Variants in KSR2 observed in about 807,000 individuals in gnomAD.
KSR2 encodes the protein kinase suppressor of ras 2.
KSR2 carries 25 observed loss-of-function variants against 107.8 expected under a neutral mutation model. That is an observed-to-expected ratio of 0.23 (90% CI 0.17 to 0.32). The LOEUF (loss-of-function observed/expected upper bound fraction) is 0.32, where lower values mean the gene tolerates loss of function less well. KSR2 is among the 10% of genes least tolerant of loss of function. KSR2 has a pLI of 1.00. For missense variants in KSR2, 887 were observed against 1,268.9 expected, an observed-to-expected ratio of 0.70 and a Z score of 4.57; for synonymous variants, 480 against 507.0, an observed-to-expected ratio of 0.95 and a Z score of 0.71.
chr12:117,637,672 TG>T (rs1565938334), intron 5 of KSR2, among the ~76,000 whole-genome samples: 3 of 127,466 alleles, frequency 2.4e-5, no homozygotes, highest in African/African-American at 6.3e-5. Flanking sequence ...CAGTCAGTTT[TG>T]GGTTTTTTTT....
At chr12:117,597,072 C>T (rs1880692554) in intron 5 of KSR2, among the ~76,000 whole-genome samples, 1 of 152,138 alleles carries the variant, frequency 6.6e-6, no homozygotes, top group Non-Finnish European at 1.5e-5. Context: ...CGTGCAAGGG[C>T]ATGGAAAATA....
chr12:117,770,919 G>A (rs1483866261), intron 3 of KSR2, among the ~76,000 whole-genome samples: 4 of 150,288 alleles, frequency 2.7e-5, no homozygotes, highest in African/African-American at 9.8e-5. Context: ...GGAGCTTGCA[G>A]TGGGCCAAGA....
rs187147018 is a variant in KSR2, at chr12:117,901,110, C to A, written c.181-40679G>T. ...ATGAATGAAACAGTGCACAGTGCGTCATGGAAGGAGAGGAACCAGGGCCGG... is the reference window on the plus strand; with the variant it reads ...ATGAATGAAACAGTGCACAGTGCGTAATGGAAGGAGAGGAACCAGGGCCGG... On this transcript the variant is annotated intron_variant, in intron 1 of 19. Transcript: ENST00000339824. Among the ~76,000 whole-genome samples the A allele has an allele frequency of 2.1e-3, 321 of 152,104 alleles. 1 individual carries two copies. The highest frequency in any genetic ancestry group is 7.3e-3 in the African/African-American group (304 of 41,502).
chr12:117,766,140 G>A (rs1356660984), intron 3 of KSR2, among the ~76,000 whole-genome samples: 1 of 152,182 alleles, frequency 6.6e-6, no homozygotes, highest in Non-Finnish European at 1.5e-5. Flanking sequence ...CCAAAAGGTG[G>A]AAACAACCCA....
At chr12:117,885,820 G>A (rs759217889) in intron 1 of KSR2, among the ~76,000 whole-genome samples, 50 of 152,102 alleles carry the variant, frequency 3.3e-4, no homozygotes, top group South Asian at 6.2e-4. Context: ...ACCTGGCCGG[G>A]CGCGGTGGCT....
At chr12:117,862,604 C>G (rs979438944) in intron 1 of KSR2, among the ~76,000 whole-genome samples, 1 of 152,168 alleles carries the variant, frequency 6.6e-6, no homozygotes, top group Non-Finnish European at 1.5e-5. Flanking sequence ...ATGATCATAC[C>G]ACTGCACTCA....
chr12:117,579,524 C>T (rs1007907640), intron 6 of KSR2, among the ~76,000 whole-genome samples: 9 of 152,188 alleles, frequency 5.9e-5, no homozygotes, highest in Non-Finnish European at 8.8e-5. Context: ...CTTGAACTTT[C>T]GTAAGGGTCA....
At chr12:117,503,997 C>A (rs1238179809) in intron 14 of KSR2, among the ~76,000 whole-genome samples, 1 of 152,152 alleles carries the variant, frequency 6.6e-6, no homozygotes, top group Non-Finnish European at 1.5e-5. Flanking sequence ...TCTATTTGTA[C>A]ATAAATGGGC....
chr12:117,571,976 C>T (rs1878922210), intron 7 of KSR2, among the ~76,000 whole-genome samples: 1 of 152,094 alleles, frequency 6.6e-6, no homozygotes, highest in Non-Finnish European at 1.5e-5. Flanking sequence ...ACGCCTCCCA[C>T]CCCCATCCTA....
chr12:117,626,022 T>C (rs1008494359), intron 5 of KSR2, among the ~76,000 whole-genome samples: 2 of 152,260 alleles, frequency 1.3e-5, no homozygotes, highest in Admixed American at 1.3e-4. Flanking sequence ...GATGGTAGTT[T>C]GTATTTCTGT....
At chr12:117,564,346 C>A (rs867609721) in intron 7 of KSR2, among the ~76,000 whole-genome samples, 1 of 152,182 alleles carries the variant, frequency 6.6e-6, no homozygotes, top group Non-Finnish European at 1.5e-5. Flanking sequence ...CACAGGTCTG[C>A]CCTTCCTGGC....
chr12:117,826,247 T>G (rs1404426854), intron 3 of KSR2, among the ~76,000 whole-genome samples: 1 of 152,148 alleles, frequency 6.6e-6, no homozygotes, highest in Non-Finnish European at 1.5e-5. Flanking sequence ...TCAGCCACCA[T>G]CTGTCAAAGC....
At chr12:117,680,826 G>A (rs1195003224) in intron 4 of KSR2, among the ~76,000 whole-genome samples, 2 of 151,926 alleles carry the variant, frequency 1.3e-5, no homozygotes, top group East Asian at 1.9e-4. Flanking sequence ...ATATTAATTC[G>A]AAAAAAATGA....
chr12:117,749,162 G>A (rs192825151), intron 4 of KSR2, among the ~76,000 whole-genome samples: 4 of 148,154 alleles, frequency 2.7e-5, no homozygotes, highest in East Asian at 4.0e-4. Context: ...CTCCCAGGCC[G>A]AGACACAGGT....
chr12:117,706,893 C>T (rs973822104), intron 4 of KSR2, among the ~76,000 whole-genome samples: 2 of 152,062 alleles, frequency 1.3e-5, no homozygotes, highest in Non-Finnish European at 2.9e-5. Flanking sequence ...AATATGTCCA[C>T]ACAAAATCTT....
chr12:117,641,042 T>C (rs73411114), intron 5 of KSR2, among the ~76,000 whole-genome samples: 5,651 of 152,294 alleles, frequency 0.037, 182 homozygotes, highest in East Asian at 0.15. Flanking sequence ...ACTGGATGGC[T>C]TAAAACAATG....
intron 3 of KSR2, among the ~76,000 whole-genome samples, chr12:117,770,407 C>A (rs1889396263): frequency 6.6e-6 from 1 of 152,104 alleles, no homozygotes; most frequent in African/African-American, 2.4e-5. Flanking sequence ...GGAACCGATT[C>A]TCTCCCAGAG....
In KSR2 at chr12:117,895,648, T is replaced by C. The variant is rs191862534; in HGVS notation, c.181-35217A>G. 5.4e-4 allele frequency among the ~76,000 whole-genome samples: 82 copies of C among 152,314 alleles called. 1 individual carries two copies. The highest frequency in any genetic ancestry group is 1.0e-3 in the South Asian group (5 of 4,820). Reference sequence around the variant, plus strand: ...GCATCACTGGGGGAATATAATATTGTGGAGCTGCTGTGGAAACGTTTAGCA... The same window carrying C: ...GCATCACTGGGGGAATATAATATTGCGGAGCTGCTGTGGAAACGTTTAGCA... On this transcript the variant is annotated intron_variant, in intron 1 of 19. Coordinates refer to ENST00000339824, the MANE Select transcript of KSR2 (RefSeq NM_173598.6).
At chr12:117,793,142 G>A (rs117509744) in intron 3 of KSR2, among the ~76,000 whole-genome samples, 5,260 of 122,486 alleles carry the variant, frequency 0.043, 146 homozygotes, top group Middle Eastern at 0.11. Flanking sequence ...ACACTAACAT[G>A]CATATACCAA....
Sources: gnomAD v4.1 joint callset for allele counts (sites outside exome capture counted in the v4.1 genomes callset) on GRCh38, gnomAD v4.1.1 for gene constraint, MANE v1.5 for transcripts, NCBI Gene and HGNC (gene_info 2026-07-23, HGNC 2026-07-21) for gene names.